Variants in MCUB observed in about 807,000 individuals in gnomAD.
MCUB encodes mitochondrial calcium uniporter dominant negative subunit beta, also known as calcium uniporter regulatory subunit MCUb, mitochondrial.
In MCUB, 46 loss-of-function variants were observed where a neutral mutation model predicts 41.4. The observed-to-expected ratio is 1.11, with a 90% CI of 0.88 to 1.42. The LOEUF is 1.42. Ranked by LOEUF, MCUB falls within the 40% of genes most tolerant of loss-of-function variation. MCUB has a pLI of 0.00. For synonymous variants in MCUB, 148 were observed against 148.2 expected, an observed-to-expected ratio of 1.00 and a Z score of 0.01; for missense variants, 403 against 404.9, an observed-to-expected ratio of 1.00 and a Z score of 0.04.
intron 4 of MCUB, among the ~76,000 whole-genome samples, chr4:109,673,482 C>G (rs1729505219): frequency 6.6e-6 from 1 of 152,198 alleles, no homozygotes; most frequent in South Asian, 2.1e-4. Context: ...CCAGGTTTCC[C>G]TGTAACCTCA....
In MCUB at chr4:109,601,655, G is replaced by T. The variant is rs567526373; in HGVS notation, c.99+41219G>T. Reference sequence around the variant, plus strand: ...TCATCTGTTGATGGACACTTAGGTAGCTTCCAAATCTTGGCTATTGTGAAC... The same window carrying T: ...TCATCTGTTGATGGACACTTAGGTATCTTCCAAATCTTGGCTATTGTGAAC... On this transcript the variant is annotated intron_variant, in intron 1 of 7. Coordinates refer to ENST00000394650, the MANE Select transcript of MCUB (RefSeq NM_017918.5). Among the ~76,000 whole-genome samples the T allele has an allele frequency of 2.6e-5, 4 of 152,224 alleles. No homozygotes were observed. The South Asian group carries it at 8.3e-4, about 32-fold the overall frequency.
chr4:109,586,072 T>C (rs1727298821), intron 1 of MCUB, among the ~76,000 whole-genome samples: 1 of 152,246 alleles, frequency 6.6e-6, no homozygotes, highest in South Asian at 2.1e-4. Flanking sequence ...ATTCTCCCTG[T>C]CACTTTCAGG....
rs750366329 is a variant in MCUB, at chr4:109,643,857, C to T, written c.100-15154C>T. 9.2e-5 allele frequency among the ~76,000 whole-genome samples: 14 copies of T among 152,276 alleles called. No homozygotes were observed. In the South Asian group the frequency reaches 1.0e-3, roughly 11 times the overall value. On this transcript the variant is annotated intron_variant, in intron 1 of 7. Coordinates refer to ENST00000394650, the MANE Select transcript of MCUB (RefSeq NM_017918.5). ...CCATCCAGTCTGTAGTACATTGCTA[C>T]GGCAGCCCTAGGAAACAAATACAAA...
At chr4:109,593,034 C>T (rs28451151) in intron 1 of MCUB, among the ~76,000 whole-genome samples, 1,607 of 152,286 alleles carry the variant, frequency 0.011, 22 homozygotes, top group Middle Eastern at 0.034. Flanking sequence ...TTCTAGATAA[C>T]AGACAAATGC....
chr4:109,687,586 GAATT>G lies in MCUB; in HGVS notation c.1009_*1del. Reference sequence around the variant, plus strand: ...TGCAAGTAGAAGAACTCAATGAAAAGAATTAATCTTACAGTTTTAAATGTCGTCA... The same window carrying G: ...TGCAAGTAGAAGAACTCAATGAAAAGAATCTTACAGTTTTAAATGTCGTCA... On this transcript the variant is annotated frameshift_variant and stop_lost, in exon 8 of 8. Transcript: ENST00000394650. LOFTEE classifies it high-confidence loss of function. The G allele has an allele frequency of 1.9e-6, 3 of 1,602,786 alleles. No homozygotes were observed. Among genetic ancestry groups the G allele is most frequent in the South Asian group, 2.2e-5 (2 of 90,468 alleles).
chr4:109,658,888 A>G (rs1729163949), intron 1 of MCUB, 123 bp from the exon 2 acceptor site: 5 of 679,018 alleles, frequency 7.4e-6, no homozygotes, highest in Non-Finnish European at 1.3e-5. Context: ...ATGCATGACA[A>G]GTTGAGTTTT....
At position 109,642,674 on chromosome 4, in the gene MCUB, C is replaced by T. The variant is rs147696431; in HGVS notation, c.100-16337C>T. On this transcript the variant is annotated intron_variant, in intron 1 of 7. Coordinates refer to ENST00000394650, the MANE Select transcript of MCUB (RefSeq NM_017918.5). ...GCATCTTTTTTATTTTCTGCTTGAGCTCAACTTCTTTTTAGGCTATATTTT... is the reference window on the plus strand; with the variant it reads ...GCATCTTTTTTATTTTCTGCTTGAGTTCAACTTCTTTTTAGGCTATATTTT... Among the ~76,000 whole-genome samples the T allele has an allele frequency of 2.0e-3, 305 of 152,110 alleles. 1 individual carries two copies. Among genetic ancestry groups the T allele is most frequent in the Middle Eastern group, 3.4e-3 (1 of 294 alleles).
At chr4:109,632,454 A>T (rs1319815483) in intron 1 of MCUB, among the ~76,000 whole-genome samples, 3 of 152,178 alleles carry the variant, frequency 2.0e-5, no homozygotes, top group Admixed American at 6.6e-5. Flanking sequence ...GACAGCAGTA[A>T]TAATTTATTG....
chr4:109,687,537 C>T lies in MCUB; in HGVS notation c.956C>T (p.Ala319Val), dbSNP rs781302533. The part of the protein sequence containing the change: ...LAKAKESLKQ[A>V]RHSLCLQMQV... ...CAGGCTAAAGAATCCCTGAAACAGGCGCGTCATTCTCTCTGTTTGCAAATG... is the reference window on the plus strand; with the variant it reads ...CAGGCTAAAGAATCCCTGAAACAGGTGCGTCATTCTCTCTGTTTGCAAATG... Residue 319 changes from alanine (A) to valine (V), a missense_variant, in exon 8 of 8, where the codon GCG becomes GTG. Coordinates refer to ENST00000394650, the MANE Select transcript of MCUB (RefSeq NM_017918.5). 1.5e-5 allele frequency: 24 copies of T among 1,611,894 alleles called. No homozygotes were observed. The highest frequency in any genetic ancestry group is 8.8e-5 in the South Asian group (8 of 90,880).
chr4:109,661,131 A>AT (rs1243850720), intron 3 of MCUB, among the ~76,000 whole-genome samples: 4 of 152,206 alleles, frequency 2.6e-5, no homozygotes, highest in African/African-American at 7.2e-5. Flanking sequence ...AAGAATATAC[A>AT]TTTTTTAAAA....
intron 1 of MCUB, among the ~76,000 whole-genome samples, chr4:109,603,328 C>T (rs112541720): frequency 0.13 from 20,168 of 152,242 alleles, 1,596 homozygotes; most frequent in South Asian, 0.21. Context: ...GGCTCCTGAC[C>T]TTGAGTGATC....
At chr4:109,626,758 A>C (rs11734973) in intron 1 of MCUB, among the ~76,000 whole-genome samples, 33,111 of 108,136 alleles carry the variant, frequency 0.31, 4,596 homozygotes, top group South Asian at 0.43. Context: ...GGTTGCAGTG[A>C]GCTGAGATCA....
intron 2 of MCUB, among the ~76,000 whole-genome samples, chr4:109,659,651 A>C (rs577314324): frequency 6.6e-6 from 1 of 152,296 alleles, no homozygotes; most frequent in East Asian, 1.9e-4. Flanking sequence ...TGTTTACCTG[A>C]GAAGACTTTT....
At position 109,684,561 on chromosome 4, in the gene MCUB, C is replaced by A; in HGVS notation, c.731C>A (p.Ser244Tyr). The A allele has an allele frequency of 6.2e-7, 1 of 1,608,246 alleles. No homozygotes were observed. The highest frequency in any genetic ancestry group is 8.5e-7 in the Non-Finnish European group (1 of 1,174,730). Residue 244 changes from serine to tyrosine, a missense_variant, in exon 6 of 8, where the codon TCC becomes TAC. Transcript: ENST00000394650. ...ALAWLTWWVY[S>Y]WDIMEPVTYF... ...GCCTGGCTCACGTGGTGGGTGTACTCCTGGGATATCATGGAGCCAGTTACA... is the reference window on the plus strand; with the variant it reads ...GCCTGGCTCACGTGGTGGGTGTACTACTGGGATATCATGGAGCCAGTTACA...
intron 2 of MCUB, 51 bp downstream of exon 2, chr4:109,659,137 T>C (rs190739225): frequency 1.9e-6 from 2 of 1,064,330 alleles, no homozygotes; most frequent in Admixed American, 2.0e-5. Flanking sequence ...TTTCCCTTTC[T>C]TCCAAATAAA....
intron 4 of MCUB, among the ~76,000 whole-genome samples, chr4:109,679,836 G>C (rs34176512): frequency 0.67 from 101,969 of 151,504 alleles, 34,527 homozygotes; most frequent in South Asian, 0.74. Context: ...GAGTCTCTCT[G>C]TGTCACCCAG....
At chr4:109,667,280 A>G (rs549788531) in intron 4 of MCUB, among the ~76,000 whole-genome samples, 1 of 152,196 alleles carries the variant, frequency 6.6e-6, no homozygotes, top group East Asian at 1.9e-4. Flanking sequence ...AGGCTTATGT[A>G]GATTGTGTAT....
intron 1 of MCUB, among the ~76,000 whole-genome samples, chr4:109,618,387 C>T (rs140093634): frequency 1.1e-4 from 17 of 152,288 alleles, no homozygotes; most frequent in African/African-American, 4.1e-4. Flanking sequence ...CTCTAGCAGT[C>T]ACCTCAGTAA....
chr4:109,620,390 A>G (rs934674143), intron 1 of MCUB, among the ~76,000 whole-genome samples: 2 of 151,534 alleles, frequency 1.3e-5, no homozygotes, highest in African/African-American at 4.9e-5. Context: ...AAATTATTGT[A>G]TCAGAATTTT....
Sources: allele counts gnomAD v4.1 joint callset (sites outside exome capture counted in the v4.1 genomes callset), GRCh38; gene constraint gnomAD v4.1.1; transcripts MANE v1.5; gene names NCBI Gene and HGNC (gene_info 2026-07-23, HGNC 2026-07-21).